Variants in ADCY7 observed in about 807,000 individuals in gnomAD.
ADCY7 encodes the protein adenylate cyclase type 7.
A neutral mutation model predicts 120.6 loss-of-function variants in ADCY7; 72 were observed. The observed-to-expected ratio is 0.60, with a 90% confidence interval of 0.49 to 0.73. The LOEUF (loss-of-function observed/expected upper bound fraction) is 0.73, where lower values mean the gene tolerates loss of function less well. ADCY7 is among the 30% of genes least tolerant of loss of function. ADCY7 has a pLI of 0.00. For synonymous variants in ADCY7, 661 were observed against 628.0 expected (o/e 1.05, Z -0.78); for missense variants, 1,227 against 1,486.0 (o/e 0.83, Z 2.87).
At chr16:50,264,356 G>A (rs1292950352), upstream of ADCY7, among the ~76,000 whole-genome samples, 2 of 152,188 alleles carry the variant, frequency 1.3e-5, no homozygotes, top group Non-Finnish European at 2.9e-5. Context: ...ATGAAAATTT[G>A]TTTATCCATT....
intron 6 of ADCY7, 135 bp downstream of exon 6, chr16:50,293,637 T>C (rs971141270): frequency 1.8e-5 from 20 of 1,112,790 alleles, no homozygotes; most frequent in Middle Eastern, 3.0e-4. Context: ...GCCCCATGGT[T>C]CCAGGTCAAT....
intron 1 of ADCY7, among the ~76,000 whole-genome samples, chr16:50,248,104 G>T (rs916947599): frequency 3.3e-5 from 5 of 152,334 alleles, no homozygotes; most frequent in Admixed American, 6.5e-5. Flanking sequence ...GTTCTCATGT[G>T]TTCTTGGTGG....
rs1159699808 is a variant in ADCY7 at position 50,308,684 on chromosome 16, G to C, written c.1953G>C (p.Arg651=). The C allele has an allele frequency of 6.2e-7, 1 of 1,613,230 alleles. No homozygotes were observed. Among genetic ancestry groups the C allele is most frequent in the South Asian group, 1.1e-5 (1 of 91,036 alleles). Residue 651 remains arginine (R), a synonymous_variant, in exon 17 of 26, where the codon CGG becomes CGC. Coordinates refer to ENST00000673801, the MANE Select transcript of ADCY7 (RefSeq NM_001114.5). The part of the protein sequence containing the change: ...ATKFSRCCPA[R]GTLCTISERV... ...CCCCACAGAGGTGCTGCCCAGCTCG[G>C]GGGACGCTCTGCACTATCTCTGAGA...
At position 50,312,956 on chromosome 16, in the gene ADCY7, T is replaced by TTC; in HGVS notation, c.2673_2674dup (p.Tyr892SerfsTer30). The TTC allele has an allele frequency of 6.2e-7, 1 of 1,614,122 alleles. No homozygotes were observed. Among genetic ancestry groups the TTC allele is most frequent in the Non-Finnish European group, 8.5e-7 (1 of 1,180,026 alleles). The stretch of plus-strand genomic sequence containing the variant: ...TGCCTCCGTGCCGGACTTCAAAGTG[T>TTC]TCTACACAGAGTGCGATGTCAACAA... On this transcript the variant is annotated frameshift_variant, in exon 22 of 26. Transcript: ENST00000673801. LOFTEE classifies it high-confidence loss of function.
chr16:50,278,424 T>C (rs768442289), intron 1 of ADCY7, among the ~76,000 whole-genome samples: 32 of 152,180 alleles, frequency 2.1e-4, no homozygotes, highest in Non-Finnish European at 3.4e-4. Flanking sequence ...TATTGGGCTA[T>C]TGGTCTTCTT....
At chr16:50,302,303 C>T (rs963671865) in intron 10 of ADCY7, among the ~76,000 whole-genome samples, 2 of 152,258 alleles carry the variant, frequency 1.3e-5, no homozygotes, top group Admixed American at 1.3e-4. Context: ...CCTCTCCAGG[C>T]TGCAGCCCCC....
At chr16:50,272,600 C>T (rs1479459158) in intron 1 of ADCY7, among the ~76,000 whole-genome samples, 1 of 152,156 alleles carries the variant, frequency 6.6e-6, no homozygotes, top group East Asian at 1.9e-4. Flanking sequence ...CTGCCCCATT[C>T]ACAAGCACAT....
Position 50,267,737 on chromosome 16 carries a change from G to T in ADCY7, c.-269+1057G>T, listed in dbSNP as rs74985472. 2.6e-5 allele frequency among the ~76,000 whole-genome samples: 4 copies of T among 152,194 alleles called. No individual in the cohort carries two copies. In the East Asian group the frequency reaches 5.8e-4, roughly 22 times the overall value. The stretch of plus-strand genomic sequence containing the variant: ...TGGGGAAAAAAAAATCTGTAAATAG[G>T]ACATTGCCATTGTGACATCATGACT... On this transcript the variant is annotated intron_variant, in intron 1 of 25. Coordinates refer to ENST00000673801, the MANE Select transcript of ADCY7 (RefSeq NM_001114.5).
In ADCY7 at chr16:50,288,839, T is replaced by A. The variant is rs546559607; in HGVS notation, c.171+489T>A. Among the ~76,000 whole-genome samples, 26 of 152,174 alleles carry A rather than the reference T, an allele frequency of 1.7e-4. No homozygotes were observed. In the South Asian group the frequency reaches 2.9e-3, roughly 17 times the overall value. ...AAGACAAGTTTCTAATTTAAAAAAA[T>A]TTTTTTTGAGACTGGGCCTTGTTTT... On this transcript the variant is annotated intron_variant, in intron 2 of 25. Transcript: ENST00000673801.
intron 1 of ADCY7, among the ~76,000 whole-genome samples, chr16:50,270,098 G>A (rs2033459466): frequency 6.6e-6 from 1 of 152,114 alleles, no homozygotes; most frequent in Non-Finnish European, 1.5e-5. Flanking sequence ...GATTGCTTGA[G>A]CCCAGGAGGT....
At chr16:50,291,479 G>T (rs1158814551) in intron 3 of ADCY7, among the ~76,000 whole-genome samples, 1 of 152,216 alleles carries the variant, frequency 6.6e-6, no homozygotes, top group Non-Finnish European at 1.5e-5. Flanking sequence ...CCTGGATCAC[G>T]CGGGGCATGG....
intron 10 of ADCY7, among the ~76,000 whole-genome samples, 171 bp from the exon 11 acceptor site, chr16:50,304,189 A>G (rs1300556029): frequency 2.0e-5 from 3 of 152,136 alleles, no homozygotes; most frequent in Non-Finnish European, 4.4e-5. Context: ...CTAGTCCCCA[A>G]GGGCAGCCGC....
At chr16:50,295,444 C>T (rs2035293072) in intron 7 of ADCY7, among the ~76,000 whole-genome samples, 1 of 146,926 alleles carries the variant, frequency 6.8e-6, no homozygotes, top group South Asian at 2.2e-4. Flanking sequence ...ATCATCCCCT[C>T]TTGGCCTCCC....
At chr16:50,259,243 A>G (rs2032997110) in intron 1 of ADCY7, among the ~76,000 whole-genome samples, 1 of 152,184 alleles carries the variant, frequency 6.6e-6, no homozygotes, top group Admixed American at 6.5e-5. Flanking sequence ...TAAAAAAGAA[A>G]GGGGTCACAC....
chr16:50,249,966 G>A (rs891053390), intron 1 of ADCY7, among the ~76,000 whole-genome samples: 1 of 152,216 alleles, frequency 6.6e-6, no homozygotes, highest in African/African-American at 2.4e-5. Context: ...TGGAGGACAA[G>A]AGCAGCACAA....
At chr16:50,263,756 C>T (rs2033118914), upstream of ADCY7, among the ~76,000 whole-genome samples, 1 of 151,864 alleles carries the variant, frequency 6.6e-6, no homozygotes, top group South Asian at 2.1e-4. Flanking sequence ...ACCTGCCATT[C>T]CCCTGGACTT....
At chr16:50,301,562 G>A (rs758069413) in intron 10 of ADCY7, 21 of 237,442 alleles carry the variant, frequency 8.8e-5, no homozygotes, top group African/African-American at 3.8e-4. Context: ...CCAGATTTCC[G>A]AGAGACACAC....
intron 4 of ADCY7, 87 bp downstream of exon 4, chr16:50,291,984 C>T: frequency 7.1e-7 from 1 of 1,411,304 alleles, no homozygotes; most frequent in Non-Finnish European, 9.5e-7. Context: ...TGAATCAGAC[C>T]CGAAGGCCCC....
chr16:50,251,022 G>A (rs943885373), intron 1 of ADCY7, among the ~76,000 whole-genome samples: 3 of 152,020 alleles, frequency 2.0e-5, no homozygotes, highest in African/African-American at 7.2e-5. Context: ...AACGCTTTAG[G>A]CCAGGAGTCT....
Sources: allele counts gnomAD v4.1 joint callset (sites outside exome capture counted in the v4.1 genomes callset), GRCh38; gene constraint gnomAD v4.1.1; transcripts MANE v1.5; gene names NCBI Gene and HGNC (gene_info 2026-07-23, HGNC 2026-07-21).